The following TTN variants were observed in gnomAD, a reference collection of about 807,000 sequenced individuals.
TTN encodes the protein connectin.
TTN carries 1,525 observed loss-of-function variants against 3,223.0 expected under a neutral mutation model. That is an observed-to-expected ratio of 0.47 (90% confidence interval 0.45 to 0.49). The LOEUF (loss-of-function observed/expected upper bound fraction) is 0.49. TTN is among the 20% of genes least tolerant of loss of function. TTN has a pLI of 0.00. For synonymous variants in TTN, 14,094 were observed against 15,161.0 expected (o/e 0.93, Z 5.17); for missense variants, 40,786 against 43,424.0 (o/e 0.94, Z 5.40).
At chr2:178,727,394 A>C in intron 68 of TTN, 23 bp from the exon 69 acceptor site, 1 of 1,545,016 alleles carries the variant, frequency 6.5e-7, no homozygotes, top group Non-Finnish European at 8.7e-7. Context: ...GAAAGAGGAG[A>C]GTATCAGGGA....
intron 10 of TTN, among the ~76,000 whole-genome samples, chr2:178,791,064 A>G (rs1271644577): frequency 2.0e-5 from 3 of 152,174 alleles, no homozygotes; most frequent in African/African-American, 7.2e-5. Context: ...ATTGTCCTAG[A>G]ACTGAACATA....
At chr2:178,689,978 G>A (rs2071942877) in intron 121 of TTN, 82 bp from the exon 122 acceptor site, 2 of 1,165,594 alleles carry the variant, frequency 1.7e-6, no homozygotes, top group South Asian at 1.4e-5. Context: ...AAATCTTTAT[G>A]TAGTACATTA....
At position 178,554,162 on chromosome 2, in the gene TTN, A is replaced by G. The variant is rs778289640; in HGVS notation, c.88949T>C (p.Met29650Thr). 8 of 1,610,568 alleles carry G rather than the reference A, an allele frequency of 5.0e-6. No homozygotes were observed. In the East Asian group the frequency reaches 1.3e-4, roughly 27 times the overall value. The change falls in exon 333 of 363, where the codon ATG (methionine) becomes ACG (threonine). Residue 29650 changes from methionine to threonine, a missense_variant. Coordinates refer to ENST00000589042, the MANE Select transcript of TTN (RefSeq NM_001267550.2). ...AATTGGCCTGCTCCATACAACAGTC[A>G]TCGAATTCTTGGTAATCTTTGTCAC... is the stretch of plus-strand genomic sequence containing the variant. ...PEVTKITKNS[M>T]TVVWSRPIAD...
chr2:178,794,205 A>G (rs2093653096), intron 8 of TTN, among the ~76,000 whole-genome samples, 194 bp downstream of exon 8: 1 of 150,182 alleles, frequency 6.7e-6, no homozygotes, highest in African/African-American at 2.4e-5. Flanking sequence ...TGTGATACTC[A>G]CATTGTCAAC....
In TTN at chr2:178,721,144, G is replaced by T. The variant is rs1426564746; in HGVS notation, c.22875C>A (p.Ser7625=). ...EASKVAKQGE[S]IQLECKISGS... ...CACTTATTTTACATTCCAGTTGAAT[G>T]GATTCTCCCTGCTTTGCAACTTTTG... Residue 7625 remains serine, a synonymous_variant, in exon 79 of 363, where the codon TCC becomes TCA. Coordinates refer to ENST00000589042, the MANE Select transcript of TTN (RefSeq NM_001267550.2). 1.2e-6 allele frequency: 2 copies of T among 1,610,930 alleles called. No homozygotes were observed. Among genetic ancestry groups the T allele is most frequent in the African/African-American group, 2.7e-5 (2 of 74,866 alleles).
intron 71 of TTN, chr2:178,725,137 T>C: frequency 5.0e-6 from 2 of 402,680 alleles, no homozygotes; most frequent in Non-Finnish European, 8.6e-6. Context: ...TATCTGCTAA[T>C]TGATATAGAC....
chr2:178,701,438 C>A, intron 110 of TTN, 90 bp downstream of exon 110: 1 of 1,343,086 alleles, frequency 7.4e-7, no homozygotes, highest in Non-Finnish European at 1.0e-6. Context: ...GACTCTGCTG[C>A]AGTTTGGTCG....
chr2:178,744,758 A>T, intron 47 of TTN: 3 of 985,108 alleles, frequency 3.0e-6, no homozygotes, highest in Non-Finnish European at 3.6e-6. Context: ...ACACAATATG[A>T]TAGTTTCCCT....
chr2:178,575,997 T>C lies in TTN; in HGVS notation c.70135A>G (p.Thr23379Ala). Reference sequence around the variant, plus strand: ...TTTTTCAGGTTGATGTTATCTTTGGTCCATGTCACTTCAGGAGCAGGACGA... The same window carrying C: ...TTTTTCAGGTTGATGTTATCTTTGGCCCATGTCACTTCAGGAGCAGGACGA... ...KGRPAPEVTW[T>A]KDNINLKNRA... Residue 23379 changes from threonine to alanine, a missense_variant, in exon 326 of 363, where the codon ACC (threonine) becomes GCC (alanine). Physicochemically the swap from Thr to Ala is moderately conservative, Grantham distance 58. Transcript: ENST00000589042. This position sits in a 1 kb window ranked among gnomAD's most constrained non-coding sequence, Gnocchi z 4.0. The C allele has an allele frequency of 6.2e-7, 1 of 1,612,368 alleles. No individual in the cohort carries two copies. Among genetic ancestry groups the C allele is most frequent in the Non-Finnish European group, 8.5e-7 (1 of 1,178,700 alleles).
Position 178,776,381 on chromosome 2 carries a change from A to ATCTGTT in TTN, c.5482_5483insAACAGA (p.Leu1828delinsGlnGlnIle). 6.2e-7 allele frequency: 1 copy of ATCTGTT among 1,613,098 alleles called. No homozygotes were observed. The highest frequency in any genetic ancestry group is 8.5e-7 in the Non-Finnish European group (1 of 1,179,968). The stretch of plus-strand genomic sequence containing the variant: ...TTTCTGATCTGTTGTTACACCTGTA[A>ATCTGTT]GTGCACCTTCATGAGCCATTCTCTC... On this transcript the variant is annotated protein_altering_variant, in exon 28 of 363. Coordinates refer to ENST00000589042, the MANE Select transcript of TTN (RefSeq NM_001267550.2).
intron 47 of TTN, among the ~76,000 whole-genome samples, chr2:178,743,938 A>AT (rs1031146356): frequency 6.6e-5 from 10 of 151,758 alleles, no homozygotes; most frequent in African/African-American, 1.7e-4. Flanking sequence ...ATAATTCAAA[A>AT]TTTTTTTTGT....
rs762470432 is a variant in TTN at position 178,636,708 on chromosome 2, C to T, written c.41019G>A (p.Pro13673=). The change falls in exon 225 of 363, where the codon CCG becomes CCA. Residue 13673 remains proline (P), a synonymous_variant. Transcript: ENST00000589042. The surrounding 1 kb of genome is among the most constrained non-coding windows in gnomAD (Gnocchi z 4.3). ...SGGEKPPDEA[P]FTYQLKAVPL... The stretch of plus-strand genomic sequence containing the variant: ...GCACAGCCTTTAGCTGGTAGGTGAA[C>T]GGGGCTTCATCAGGAGGTTTCTCTC... The T allele has an allele frequency of 4.3e-5, 69 of 1,613,044 alleles. 1 individual carries two copies. The highest frequency in any genetic ancestry group is 1.6e-4 in the African/African-American group (12 of 74,886).
Position 178,707,635 on chromosome 2 carries a change from T to C in TTN, c.28932A>G (p.Thr9644=). ...DRCSFSFASG[T]AVLELRDVAK... The stretch of plus-strand genomic sequence containing the variant: ...CCACATCTCTGAGTTCCAGTACAGC[T>C]GTCCCACTAGCAAAGCTGAAGCTGC... The change falls in exon 100 of 363, where the codon ACA becomes ACG. Residue 9644 remains threonine, a synonymous_variant. Coordinates refer to ENST00000589042, the MANE Select transcript of TTN (RefSeq NM_001267550.2). 6.2e-7 allele frequency: 1 copy of C among 1,613,924 alleles called. No individual in the cohort carries two copies. The highest frequency in any genetic ancestry group is 8.5e-7 in the Non-Finnish European group (1 of 1,179,834).
In TTN at chr2:178,536,247, C is replaced by T. The variant is rs1377937205; in HGVS notation, c.100500G>A (p.Glu33500=). The change falls in exon 357 of 363, where the codon GAG becomes GAA. Residue 33500 remains glutamate (E), a synonymous_variant. Coordinates refer to ENST00000589042, the MANE Select transcript of TTN (RefSeq NM_001267550.2). Reference sequence around the variant, plus strand: ...ATCTGACATTTAGATTTCTCAGTTCCTCTTTAAAGTGTGGTGCCTGAATTG... The same window carrying T: ...ATCTGACATTTAGATTTCTCAGTTCTTCTTTAAAGTGTGGTGCCTGAATTG... ...DVPIQAPHFK[E]ELRNLNVRYQ... is the part of the protein sequence containing the mutation. 4.3e-6 allele frequency: 7 copies of T among 1,613,396 alleles called. No individual in the cohort carries two copies. The East Asian group carries it at 6.7e-5, about 15-fold the overall frequency.
At chr2:178,604,497 TAG>T (rs2054284497) in intron 281 of TTN, among the ~76,000 whole-genome samples, 192 bp from the exon 282 acceptor site, 1 of 151,996 alleles carries the variant, frequency 6.6e-6, no homozygotes, top group Non-Finnish European at 1.5e-5. Flanking sequence ...TTGTACCTGA[TAG>T]TGGATCTCAA....
Position 178,563,824 on chromosome 2 carries a change from A to G in TTN, c.82308T>C (p.Pro27436=), listed in dbSNP as rs571961414. Residue 27436 remains proline, a synonymous_variant, in exon 326 of 363, where the codon CCT becomes CCC. Coordinates refer to ENST00000589042, the MANE Select transcript of TTN (RefSeq NM_001267550.2). This position sits in a 1 kb window ranked among gnomAD's most constrained non-coding sequence, Gnocchi z 4.5. ...ALNYKVTKLL[P]GNEYIFRVMA... is the part of the protein sequence containing the mutation. ...TGACACGGAAAATGTACTCATTACC[A>G]GGAAGAAGTTTAGTAACTTTGTAGT... 5 of 1,613,772 alleles carry G rather than the reference A, an allele frequency of 3.1e-6. No individual in the cohort carries two copies. Among genetic ancestry groups the G allele is most frequent in the Admixed American group, 1.7e-5 (1 of 59,994 alleles).
Position 178,781,101 on chromosome 2 carries a change from G to C in TTN, c.3523+20C>G, listed in dbSNP as rs769556812. On this transcript the variant is annotated intron_variant, in intron 21 of 362. Transcript: ENST00000589042. ...TATTTCAGTTCTTATCATGCACATA[G>C]AAACTGGAGTTGCACTTACCTTCTT... The C allele has an allele frequency of 6.2e-7, 1 of 1,613,788 alleles. No individual in the cohort carries two copies. The highest frequency in any genetic ancestry group is 1.7e-5 in the Admixed American group (1 of 60,010).
At chr2:178,737,043 C>A (rs2081582843) in intron 49 of TTN, among the ~76,000 whole-genome samples, 1 of 151,576 alleles carries the variant, frequency 6.6e-6, no homozygotes, top group South Asian at 2.1e-4. Flanking sequence ...TGTCCTCAAA[C>A]CACAGTTCAT....
At chr2:178,639,880 G>A (rs2061000081) in intron 222 of TTN, 92 bp from the exon 223 acceptor site, 1 of 1,452,136 alleles carries the variant, frequency 6.9e-7, no homozygotes, top group Non-Finnish European at 9.3e-7. Flanking sequence ...ATATAATTTT[G>A]AAATCTTCAA....
Sources: gnomAD v4.1 joint callset for allele counts (sites outside exome capture counted in the v4.1 genomes callset) on GRCh38, gnomAD v4.1.1 for gene constraint, Gnocchi (gnomAD v3.1) non-coding constraint, MANE v1.5 for transcripts, NCBI Gene and HGNC (gene_info 2026-07-23, HGNC 2026-07-21) for gene names.